ZNF423: variants seen among roughly 807,000 people sequenced by gnomAD.
ZNF423 encodes the protein zinc finger protein 423.
Under a neutral mutation model 95.8 loss-of-function variants are expected in ZNF423, and 12 were observed. That is an observed-to-expected ratio of 0.13 (90% CI 0.08 to 0.20). The LOEUF is 0.20. Ranked by LOEUF, ZNF423 falls within the 10% of genes least tolerant of loss-of-function variation. ZNF423 has a pLI of 1.00. For synonymous variants in ZNF423, 749 were observed against 711.9 expected, an observed-to-expected ratio of 1.05 and a Z score of -0.83; for missense variants, 1,316 against 1,737.1, an observed-to-expected ratio of 0.76 and a Z score of 4.31.
intron 5 of ZNF423, among the ~76,000 whole-genome samples, chr16:49,611,046 C>A (rs1438819861): frequency 6.6e-6 from 1 of 151,964 alleles, no homozygotes; most frequent in Non-Finnish European, 1.5e-5. Context: ...ATAGACATAT[C>A]CACAATTATA....
intron 5 of ZNF423, among the ~76,000 whole-genome samples, chr16:49,528,769 G>A (rs139965613): frequency 2.0e-5 from 3 of 152,130 alleles, no homozygotes; most frequent in East Asian, 3.9e-4. Flanking sequence ...AACAGGGGGA[G>A]GGCCGGGGAG....
chr16:49,775,788 T>A (rs2034110607), intron 2 of ZNF423, among the ~76,000 whole-genome samples: 1 of 152,162 alleles, frequency 6.6e-6, no homozygotes, highest in Non-Finnish European at 1.5e-5. Context: ...CTGACAATAC[T>A]ATGATGAATA....
intron 2 of ZNF423, among the ~76,000 whole-genome samples, chr16:49,733,175 C>T (rs1225357015): frequency 6.6e-6 from 1 of 151,816 alleles, no homozygotes; most frequent in East Asian, 1.9e-4. Flanking sequence ...CAGTCAAGTG[C>T]CCGTCTCCGA....
At chr16:49,509,751 C>A (rs1443211415) in intron 7 of ZNF423, among the ~76,000 whole-genome samples, 1 of 152,182 alleles carries the variant, frequency 6.6e-6, no homozygotes, top group East Asian at 1.9e-4. Flanking sequence ...CAAGAAAGTT[C>A]TGACACAAAT....
At chr16:49,688,885 C>T (rs900264029) in intron 3 of ZNF423, among the ~76,000 whole-genome samples, 7 of 152,134 alleles carry the variant, frequency 4.6e-5, no homozygotes, top group East Asian at 3.9e-4. Flanking sequence ...AGAATGGCCA[C>T]GCTAGTATCC....
chr16:49,808,763 G>A (rs1797470176), intron 1 of ZNF423, among the ~76,000 whole-genome samples: 1 of 152,190 alleles, frequency 6.6e-6, no homozygotes. Context: ...CAGAGGGGTG[G>A]AGAGGGGTGG....
intron 5 of ZNF423, among the ~76,000 whole-genome samples, chr16:49,616,529 C>A (rs1479299062): frequency 6.6e-6 from 1 of 152,084 alleles, no homozygotes; most frequent in Non-Finnish European, 1.5e-5. Context: ...GTGATAGATA[C>A]CCCATTTTCC....
intron 3 of ZNF423, 173 bp downstream of exon 3, chr16:49,730,598 T>G: frequency 1.4e-6 from 1 of 709,308 alleles, no homozygotes; most frequent in Non-Finnish European, 2.3e-6. Context: ...GTTGCTTTTA[T>G]TTTTAATTGT....
intron 5 of ZNF423, among the ~76,000 whole-genome samples, chr16:49,616,811 C>T (rs1343009971): frequency 6.6e-6 from 1 of 152,158 alleles, no homozygotes; most frequent in Non-Finnish European, 1.5e-5. Flanking sequence ...TAAGCACTGA[C>T]ATCTGGTATA....
At chr16:49,672,989 T>A (rs1002732605) in intron 3 of ZNF423, among the ~76,000 whole-genome samples, 7 of 152,132 alleles carry the variant, frequency 4.6e-5, no homozygotes, top group African/African-American at 1.7e-4. Flanking sequence ...AAACCCTGAG[T>A]GGCATTCCCA....
At chr16:49,609,863 G>A (rs902092483) in intron 5 of ZNF423, among the ~76,000 whole-genome samples, 8 of 152,120 alleles carry the variant, frequency 5.3e-5, no homozygotes, top group African/African-American at 7.2e-5. Context: ...TAAACACAAG[G>A]AAATCCACAC....
intron 3 of ZNF423, among the ~76,000 whole-genome samples, chr16:49,642,264 A>C (rs1002984609): frequency 2.6e-5 from 4 of 152,192 alleles, no homozygotes; most frequent in Non-Finnish European, 5.9e-5. Context: ...ACTGGCCCCC[A>C]GTACCAAGCC....
At chr16:49,781,471 T>C (rs566357887) in intron 2 of ZNF423, among the ~76,000 whole-genome samples, 4 of 152,262 alleles carry the variant, frequency 2.6e-5, no homozygotes, top group South Asian at 2.1e-4. Context: ...TAGAAGCTTA[T>C]AGACGAATGG....
In ZNF423 at chr16:49,578,183, A is replaced by T. The variant is rs1038479882; in HGVS notation, c.3601+47987T>A. Among the ~76,000 whole-genome samples, 41 of 152,270 alleles carry T rather than the reference A, an allele frequency of 2.7e-4. 1 individual carries two copies. The highest frequency in any genetic ancestry group is 1.4e-3 in the Admixed American group (21 of 15,288). On this transcript the variant is annotated intron_variant, in intron 5 of 7. Coordinates refer to ENST00000563137, the MANE Select transcript of ZNF423 (RefSeq NM_001379286.1). ...CCCCCAAGACAGGACGGGAATCTGA[A>T]TCCTTGTCTGCAAATGGCCACCTGC...
chr16:49,731,422 G>A, intron 2 of ZNF423: 3 of 971,696 alleles, frequency 3.1e-6, no homozygotes, highest in Non-Finnish European at 3.7e-6. Context: ...GCCTCCCAGG[G>A]CAGTGACGTT....
At chr16:49,812,485 A>G (rs1324120883) in intron 1 of ZNF423, among the ~76,000 whole-genome samples, 1 of 152,188 alleles carries the variant, frequency 6.6e-6, no homozygotes, top group Non-Finnish European at 1.5e-5. Flanking sequence ...TTGGAGGCCC[A>G]GGAGTTCAAG....
rs760522262 is a variant in ZNF423, at chr16:49,636,276, T to C, written c.2900A>G (p.Tyr967Cys). The change falls in exon 4 of 8, where the codon TAC (tyrosine) becomes TGC (cysteine). Residue 967 changes from tyrosine (Y) to cysteine (C), a missense_variant. This residue lies in a region of ZNF423 where 620 missense variants were observed against 775.6 expected (regional missense o/e 0.80). Coordinates refer to ENST00000563137, the MANE Select transcript of ZNF423 (RefSeq NM_001379286.1). The surrounding 1 kb of genome is among the most constrained non-coding windows in gnomAD (Gnocchi z 8.6). ...GCGCTCACCACAGATGGGACACATG[T>C]AGTGCTTGGCAGGGCCCCGGTGCGT... ...LQTHRGPAKH[Y>C]MCPICGERFP... is the part of the protein sequence containing the mutation. 3.1e-6 allele frequency: 5 copies of C among 1,612,798 alleles called. No homozygotes were observed. The highest frequency in any genetic ancestry group is 4.2e-6 in the Non-Finnish European group (5 of 1,180,030).
At chr16:49,837,549 T>G (rs891301384) in intron 1 of ZNF423, among the ~76,000 whole-genome samples, 1 of 152,288 alleles carries the variant, frequency 6.6e-6, no homozygotes, top group Non-Finnish European at 1.5e-5. Flanking sequence ...ACAGGCCACC[T>G]GCAATGCCAC....
intron 5 of ZNF423, among the ~76,000 whole-genome samples, chr16:49,607,972 T>G (rs189981414): frequency 2.0e-3 from 303 of 152,292 alleles, no homozygotes; most frequent in African/African-American, 6.2e-3. Context: ...ATGACAACTT[T>G]TAGCCCTAGG....
Sources: gnomAD v4.1 joint callset for allele counts (sites outside exome capture counted in the v4.1 genomes callset) on GRCh38, gnomAD v4.1.1 for gene constraint, gnomAD v4.1.1 regional missense constraint, Gnocchi (gnomAD v3.1) non-coding constraint, MANE v1.5 for transcripts, NCBI Gene and HGNC (gene_info 2026-07-23, HGNC 2026-07-21) for gene names.